Variants in ZPBP observed in about 807,000 individuals in gnomAD.
ZPBP encodes the protein zona pellucida-binding protein 1.
A neutral mutation model predicts 44.8 loss-of-function variants in ZPBP; 26 were observed. The observed-to-expected ratio is 0.58, with a 90% CI of 0.43 to 0.81. The LOEUF (loss-of-function observed/expected upper bound fraction) is 0.81. Among genes scored for constraint, ZPBP ranks in the 30% least tolerant of loss-of-function variants. The pLI is 0.00. For missense variants in ZPBP, 409 were observed against 434.0 expected, an observed-to-expected ratio of 0.94 and a Z score of 0.51; for synonymous variants, 174 against 153.2, an observed-to-expected ratio of 1.14 and a Z score of -1.00.
chr7:49,978,517 A>G (rs1796630886), intron 7 of ZPBP, among the ~76,000 whole-genome samples: 1 of 152,066 alleles, frequency 6.6e-6, no homozygotes, highest in Admixed American at 6.6e-5. Context: ...TCTGGTGCTT[A>G]TTTCACCTAC....
chr7:49,983,358 T>G lies in ZPBP; in HGVS notation c.945A>C (p.Lys315Asn), dbSNP rs1294567188. ...ATTACATACCACAGCACTCAGGACA[T>G]TTTGGATGTTGCTGGACATTCATTC... The part of the protein sequence containing the change: ...GYGMNVQQHP[K>N]CPECCVICSP... The change falls in exon 7 of 8, where the codon AAA becomes AAC. Residue 315 changes from lysine (K) to asparagine (N), a missense_variant. By Grantham distance (94) the Lys-to-Asn change is moderately conservative. This residue lies in a region of ZPBP where 42 missense variants were observed against 71.0 expected (regional missense o/e 0.59). Transcript: ENST00000046087. 1 of 1,613,314 alleles carries G rather than the reference T, an allele frequency of 6.2e-7. No homozygotes were observed. The highest frequency in any genetic ancestry group is 8.5e-7 in the Non-Finnish European group (1 of 1,179,598).
intron 2 of ZPBP, among the ~76,000 whole-genome samples, chr7:49,877,474 AAAAAAAAATATAT>A (rs1411950335): frequency 8.6e-5 from 4 of 46,302 alleles, no homozygotes; most frequent in South Asian, 1.7e-3. Flanking sequence ...AAAAAAAAAA[AAAAAAAAATATAT>A]ATATATATAT....
intron 1 of ZPBP, among the ~76,000 whole-genome samples, chr7:49,909,605 T>G (rs1793294991): frequency 6.6e-6 from 1 of 152,166 alleles, no homozygotes; most frequent in African/African-American, 2.4e-5. Context: ...TATGTGACAC[T>G]GGGCTCAGAC....
rs151078806 is a variant in ZPBP at position 50,030,917 on chromosome 7, T to C, written c.706+175A>G. ...AACAAACTTTTCATTAGTACACGAA[T>C]CAGCAGAATTCTATTTGAGGGGTTA... On this transcript the variant is annotated intron_variant, in intron 5 of 7. Transcript: ENST00000046087. Among the ~76,000 whole-genome samples, 169 of 152,310 alleles carry C rather than the reference T, an allele frequency of 1.1e-3. 1 individual carries two copies. Among genetic ancestry groups the C allele is most frequent in the Admixed American group, 6.9e-3 (105 of 15,284 alleles).
chr7:49,944,285 C>G lies in ZPBP; in HGVS notation c.962-6663G>C, dbSNP rs1384103192. ...CAGGGGCTTAATGATCTTACCACAG[C>G]TGTTCTTGTATTTCTTTTGCCTGTA... On this transcript the variant is annotated intron_variant, in intron 7 of 7. Transcript: ENST00000046087. 10 of 316,150 alleles carry G rather than the reference C, an allele frequency of 3.2e-5. No individual in the cohort carries two copies. In the Admixed American group the frequency reaches 3.7e-4, roughly 12 times the overall value. The allele number at this position is 316,150 out of a possible 1,614,324, so 19.6% of individuals were successfully genotyped here. A position where few individuals can be genotyped will look rare whatever the true frequency, so the allele number is the denominator to read the frequency against.
intron 1 of ZPBP, among the ~76,000 whole-genome samples, chr7:49,911,059 A>C (rs1343120935): frequency 6.6e-6 from 1 of 152,216 alleles, no homozygotes; most frequent in African/African-American, 2.4e-5. Flanking sequence ...AGTGTCCTGA[A>C]GAGGACTGGT....
At chr7:49,919,432 T>TA (rs1376134630) in intron 1 of ZPBP, 1 of 152,296 alleles carries the variant, frequency 6.6e-6, no homozygotes, top group East Asian at 1.9e-4. Context: ...CATTTTCTGA[T>TA]ACATAGTAGC....
intron 7 of ZPBP, among the ~76,000 whole-genome samples, chr7:49,975,277 C>G (rs891902490): frequency 6.6e-6 from 1 of 152,162 alleles, no homozygotes; most frequent in Admixed American, 6.5e-5. Context: ...CCAAGCAACT[C>G]ACTAGGATCT....
At chr7:49,929,678 G>A (rs1435286871) in intron 1 of ZPBP, among the ~76,000 whole-genome samples, 3 of 152,156 alleles carry the variant, frequency 2.0e-5, no homozygotes, top group Non-Finnish European at 4.4e-5. Flanking sequence ...TATGAGGTGG[G>A]GGCAGATAAA....
At chr7:49,974,903 AG>A (rs1796440002) in intron 7 of ZPBP, among the ~76,000 whole-genome samples, 1 of 152,158 alleles carries the variant, frequency 6.6e-6, no homozygotes, top group African/African-American at 2.4e-5. Context: ...GAGGAGTGGA[AG>A]AACTGCTGCC....
chr7:50,057,915 C>T, intron 4 of ZPBP, 74 bp downstream of exon 4: 2 of 1,379,230 alleles, frequency 1.5e-6, no homozygotes, highest in Non-Finnish European at 2.0e-6. Context: ...CCCTTTAAGA[C>T]AAGCCTACTT....
intron 1 of ZPBP, among the ~76,000 whole-genome samples, chr7:49,906,865 A>C (rs1330189308): frequency 1.3e-5 from 2 of 152,106 alleles, no homozygotes; most frequent in Non-Finnish European, 2.9e-5. Context: ...GTTTTTCCTC[A>C]TGAATACAGG....
At chr7:50,085,732 C>G (rs1313466760) in intron 2 of ZPBP, among the ~76,000 whole-genome samples, 1 of 152,104 alleles carries the variant, frequency 6.6e-6, no homozygotes, top group Non-Finnish European at 1.5e-5. Flanking sequence ...TTGTGACTGC[C>G]TGATACACTG....
chr7:49,915,686 A>C (rs1793682526), intron 1 of ZPBP: 2 of 152,202 alleles, frequency 1.3e-5, no homozygotes, highest in African/African-American at 4.8e-5. Context: ...CATGTAGAAA[A>C]CAAAATTATA....
chr7:49,891,386 T>C (rs1018914472), intron 2 of ZPBP, among the ~76,000 whole-genome samples: 8 of 152,196 alleles, frequency 5.3e-5, no homozygotes, highest in East Asian at 1.9e-4. Flanking sequence ...ATAATTATAA[T>C]TGGAAGTTTT....
At chr7:49,994,533 C>T (rs1429236348) in intron 6 of ZPBP, among the ~76,000 whole-genome samples, 3 of 152,224 alleles carry the variant, frequency 2.0e-5, no homozygotes, top group African/African-American at 4.8e-5. Flanking sequence ...GGTTAAATAA[C>T]ACCCAGTTCA....
At chr7:49,962,519 C>T (rs1038363572) in intron 7 of ZPBP, among the ~76,000 whole-genome samples, 1 of 151,654 alleles carries the variant, frequency 6.6e-6, no homozygotes, top group African/African-American at 2.4e-5. Context: ...ATGAAAAGCC[C>T]ACAACTAGTG....
chr7:50,018,347 T>C (rs766500022), intron 5 of ZPBP, 31 bp from the exon 6 acceptor site: 74 of 1,426,348 alleles, frequency 5.2e-5, no homozygotes, highest in Admixed American at 4.9e-4. Flanking sequence ...TTATCATGGG[T>C]ATAATGTATT....
intron 7 of ZPBP, among the ~76,000 whole-genome samples, chr7:49,976,718 C>T (rs1796532795): frequency 6.6e-6 from 1 of 152,106 alleles, no homozygotes; most frequent in Admixed American, 6.6e-5. Context: ...TTTTGACCCA[C>T]GAAGTCTTCA....
Sources: gnomAD v4.1 joint callset for allele counts (sites outside exome capture counted in the v4.1 genomes callset) on GRCh38, gnomAD v4.1.1 for gene constraint, gnomAD v4.1.1 regional missense constraint, MANE v1.5 for transcripts, NCBI Gene and HGNC (gene_info 2026-07-23, HGNC 2026-07-21) for gene names.